The following HADHB variants were observed in gnomAD, a reference collection of about 807,000 sequenced individuals.
The protein encoded by HADHB is hydroxyacyl-CoA dehydrogenase trifunctional multienzyme complex subunit beta.
Under a neutral mutation model 61.9 loss-of-function variants are expected in HADHB, and 50 were observed. The ratio of observed to expected loss-of-function variants is 0.81; its 90% CI spans 0.64 to 1.02. HADHB has a LOEUF of 1.02. Among genes scored for constraint, HADHB ranks in the 50% least tolerant of loss-of-function variants. HADHB has a pLI of 0.00. For synonymous variants in HADHB, 191 were observed against 201.6 expected (o/e 0.95, Z 0.45); for missense variants, 504 against 586.5 (o/e 0.86, Z 1.45).
intron 12 of HADHB, among the ~76,000 whole-genome samples, chr2:26,283,871 T>G (rs1337791870): frequency 6.6e-6 from 1 of 152,242 alleles, no homozygotes; most frequent in African/African-American, 2.4e-5. Context: ...CTTCATGTTA[T>G]TAGCTTGTCC....
intron 12 of HADHB, 28 bp downstream of exon 12, chr2:26,283,079 A>T (rs545786885): frequency 1.6e-5 from 24 of 1,455,108 alleles, no homozygotes; most frequent in Middle Eastern, 3.5e-4. Flanking sequence ...TCCTTGGACT[A>T]TAATCACAAG....
chr2:26,269,540 CAA>C (rs1292860794), intron 4 of HADHB, among the ~76,000 whole-genome samples: 1 of 152,092 alleles, frequency 6.6e-6, no homozygotes, highest in Non-Finnish European at 1.5e-5. Flanking sequence ...TACTTAAAAG[CAA>C]AAAGTTTCTT....
In HADHB at chr2:26,261,041, G is replaced by A. The variant is rs775478914; in HGVS notation, c.110-2339G>A. 10 of 1,504,188 alleles carry A rather than the reference G, an allele frequency of 6.6e-6. No individual in the cohort carries two copies. The South Asian group carries it at 1.1e-4, about 16-fold the overall frequency. The allele number at this position is 1,504,188 out of a possible 1,614,324, so 93.2% of individuals were successfully genotyped here. A position where few individuals can be genotyped will look rare whatever the true frequency, so the allele number is the denominator to read the frequency against. On this transcript the variant is annotated intron_variant, in intron 3 of 15. Coordinates refer to ENST00000317799, the MANE Select transcript of HADHB (RefSeq NM_000183.3). ...GGTAGATGACACTGGTTTCTGGTTG[G>A]CTCCTATATGGATGGATCATTGGTG...
chr2:26,247,713 G>A (rs1671222400), intron 1 of HADHB, among the ~76,000 whole-genome samples: 2 of 152,184 alleles, frequency 1.3e-5, no homozygotes, highest in South Asian at 4.1e-4. Flanking sequence ...ACAGCATAAC[G>A]ACTATTTACA....
At chr2:26,260,082 T>A (rs918622247) in intron 3 of HADHB, among the ~76,000 whole-genome samples, 9 of 86,196 alleles carry the variant, frequency 1.0e-4, no homozygotes, top group Non-Finnish European at 1.3e-4. Context: ...TTTTTTCTGG[T>A]TTTTTTTTTT....
intron 1 of HADHB, among the ~76,000 whole-genome samples, chr2:26,253,988 A>T (rs972390525): frequency 5.9e-5 from 9 of 152,154 alleles, no homozygotes; most frequent in African/African-American, 2.2e-4. Context: ...TATCTCTTAC[A>T]AAGGATGTAA....
chr2:26,259,202 C>T (rs1213501100), intron 3 of HADHB, among the ~76,000 whole-genome samples: 6 of 152,158 alleles, frequency 3.9e-5, no homozygotes, highest in East Asian at 1.9e-4. Flanking sequence ...CACCACCTGC[C>T]GGGTCTGTCC....
chr2:26,250,866 ATGT>A lies in HADHB; in HGVS notation c.-8-3379_-8-3377del, dbSNP rs549010104. Among the ~76,000 whole-genome samples the A allele has an allele frequency of 3.1e-3, 469 of 151,520 alleles. 1 individual carries two copies. The highest frequency in any genetic ancestry group is 0.011 in the African/African-American group (461 of 41,408). On this transcript the variant is annotated intron_variant, in intron 1 of 15. Transcript: ENST00000317799. ...GTGTATGTATATATTATATTCTCCG[ATGT>A]TTTCCTCTAGTACTTTTATAGTTAG...
chr2:26,263,605 G>T (rs1671949710), intron 4 of HADHB, 126 bp downstream of exon 4: 2 of 724,720 alleles, frequency 2.8e-6, no homozygotes, highest in Non-Finnish European at 5.1e-6. Flanking sequence ...GCAGTCCCAT[G>T]AAATTAATAT....
intron 3 of HADHB, among the ~76,000 whole-genome samples, chr2:26,259,196 A>C (rs1574646888): frequency 6.6e-6 from 1 of 152,152 alleles, no homozygotes; most frequent in South Asian, 2.1e-4. Flanking sequence ...ACGGGGCACC[A>C]CCTGCCGGGT....
At chr2:26,255,743 A>G (rs1366546517) in intron 3 of HADHB, among the ~76,000 whole-genome samples, 1 of 152,258 alleles carries the variant, frequency 6.6e-6, no homozygotes, top group Non-Finnish European at 1.5e-5. Context: ...CTGTAAGTGC[A>G]AGATGGTATT....
chr2:26,282,990 A>AT lies in HADHB; in HGVS notation c.1014-7dup. On this transcript the variant is annotated splice_polypyrimidine_tract_variant and intron_variant, in intron 11 of 15. Transcript: ENST00000317799. ...TTTTATTACCAAAGCTCACCTCTCT[A>AT]TTTTTTTACCTAGGGATTTTATGTA... is the stretch of plus-strand genomic sequence containing the variant. The AT allele has an allele frequency of 6.2e-7, 1 of 1,606,532 alleles. No individual in the cohort carries two copies. The highest frequency in any genetic ancestry group is 8.5e-7 in the Non-Finnish European group (1 of 1,173,192).
chr2:26,246,224 T>C (rs912720935), intron 1 of HADHB, among the ~76,000 whole-genome samples: 1 of 152,236 alleles, frequency 6.6e-6, no homozygotes, highest in African/African-American at 2.4e-5. Context: ...CACTTATTAT[T>C]TAGGTCAGAA....
In HADHB at chr2:26,279,993, G is replaced by A; in HGVS notation, c.812-1G>A. 1.9e-6 allele frequency: 3 copies of A among 1,606,780 alleles called. No individual in the cohort carries two copies. Among genetic ancestry groups the A allele is most frequent in the Non-Finnish European group, 2.6e-6 (3 of 1,175,212 alleles). On this transcript the variant is annotated splice_acceptor_variant, in intron 9 of 15. Transcript: ENST00000317799. LOFTEE classifies it high-confidence loss of function. ...GTTAAAAAAATTCATTTTTTTAATA[G>A]GAAAAGATACAGTTACCAAAGATAA...
At chr2:26,278,376 T>G (rs574986576) in intron 7 of HADHB, among the ~76,000 whole-genome samples, 8 of 152,394 alleles carry the variant, frequency 5.2e-5, no homozygotes, top group African/African-American at 1.7e-4. Context: ...CCAATGGATA[T>G]TCCTAGAAGT....
intron 15 of HADHB, among the ~76,000 whole-genome samples, chr2:26,285,863 G>A (rs963153037): frequency 8.8e-5 from 13 of 148,502 alleles, no homozygotes; most frequent in African/African-American, 1.5e-4. Context: ...TCAGCCTCCC[G>A]AGCAGTTGAG....
At chr2:26,254,610 C>G in intron 3 of HADHB, 136 bp downstream of exon 3, 1 of 658,464 alleles carries the variant, frequency 1.5e-6, no homozygotes, top group East Asian at 2.8e-5. Context: ...ATCTCTGTTG[C>G]CTTCAAATTA....
At chr2:26,261,212 A>ACCC (rs70950178) in intron 3 of HADHB, 3,929 of 370,170 alleles carry the variant, frequency 0.011, 27 homozygotes, top group Admixed American at 0.022. Flanking sequence ...CACAACAAAT[A>ACCC]CCCCCCCCCC....
chr2:26,273,292 T>C (rs1341639902), intron 5 of HADHB, among the ~76,000 whole-genome samples: 1 of 152,172 alleles, frequency 6.6e-6, no homozygotes, highest in Non-Finnish European at 1.5e-5. Context: ...AGGGAGACTT[T>C]GCTTTATCTC....
Sources: gnomAD v4.1 joint callset for allele counts (sites outside exome capture counted in the v4.1 genomes callset) on GRCh38, gnomAD v4.1.1 for gene constraint, MANE v1.5 for transcripts, NCBI Gene and HGNC (gene_info 2026-07-23, HGNC 2026-07-21) for gene names.